Variants in MPDZ observed in about 807,000 individuals in gnomAD.
The protein encoded by MPDZ is multiple PDZ domain crumbs cell polarity complex component.
Under a neutral mutation model 239.1 loss-of-function variants are expected in MPDZ, and 234 were observed. The observed-to-expected ratio is 0.98, with a 90% CI of 0.88 to 1.09. The LOEUF is 1.09. Among genes scored for constraint, MPDZ ranks in the 50% least tolerant of loss-of-function variants. The pLI, the probability that MPDZ is intolerant of heterozygous loss-of-function variation, is 0.00. For missense variants in MPDZ, 3,175 were observed against 2,510.0 expected (o/e 1.26, Z -5.66); for synonymous variants, 1,048 against 881.3 (o/e 1.19, Z -3.35).
At chr9:13,254,459 C>A (rs905308221) in intron 1 of MPDZ, among the ~76,000 whole-genome samples, 1 of 152,094 alleles carries the variant, frequency 6.6e-6, no homozygotes, top group African/African-American at 2.4e-5. Flanking sequence ...ATTAAGAATA[C>A]ACAGTATATT....
chr9:13,212,356 A>G (rs924106275), intron 10 of MPDZ, among the ~76,000 whole-genome samples: 1 of 152,086 alleles, frequency 6.6e-6, no homozygotes, highest in Non-Finnish European at 1.5e-5. Flanking sequence ...TTATGGAAAT[A>G]AGATCTATTT....
chr9:13,226,377 T>C (rs1201898943), intron 3 of MPDZ, among the ~76,000 whole-genome samples: 1 of 152,132 alleles, frequency 6.6e-6, no homozygotes, highest in Non-Finnish European at 1.5e-5. Context: ...ACTTTTTATC[T>C]GTAACTACTT....
chr9:13,262,077 G>A (rs1225279992), intron 1 of MPDZ, among the ~76,000 whole-genome samples: 3 of 151,246 alleles, frequency 2.0e-5, no homozygotes, highest in Non-Finnish European at 4.4e-5. Context: ...AAAAAAAAAA[G>A]GAATGTGAGC....
chr9:13,234,356 T>C (rs1178605502), intron 3 of MPDZ, among the ~76,000 whole-genome samples: 1 of 152,060 alleles, frequency 6.6e-6, no homozygotes. Context: ...AGTTGTTAAG[T>C]GAAAAGAAAG....
intron 22 of MPDZ, chr9:13,165,463 C>G (rs1373879460): frequency 2.6e-6 from 4 of 1,544,058 alleles, no homozygotes; most frequent in Non-Finnish European, 3.5e-6. Context: ...TAACAAATGT[C>G]AATGTCTTGT....
rs533889584 is a variant in MPDZ at position 13,115,741 on chromosome 9, C to G, written c.5380-407G>C. Among the ~76,000 whole-genome samples the G allele has an allele frequency of 3.1e-4, 47 of 152,072 alleles. 1 individual carries two copies. Among genetic ancestry groups the G allele is most frequent in the South Asian group, 1.9e-3 (9 of 4,816 alleles). On this transcript the variant is annotated intron_variant, in intron 39 of 46. Transcript: ENST00000319217. ...CGGGTGGATCACGAGGTCAGGAGAT[C>G]AAGACCATCCTGGCTAACATGGTGA...
chr9:13,165,330 C>T, intron 22 of MPDZ: 1 of 1,544,138 alleles, frequency 6.5e-7, no homozygotes, highest in East Asian at 2.5e-5. Context: ...AGTTGTAACA[C>T]ACAGCCATAA....
At chr9:13,114,247 T>C (rs561394131) in intron 40 of MPDZ, among the ~76,000 whole-genome samples, 1 of 152,350 alleles carries the variant, frequency 6.6e-6, no homozygotes, top group South Asian at 2.1e-4. Context: ...ATGAAATTGA[T>C]TCCAATCTAC....
chr9:13,201,298 A>G (rs192089930), intron 12 of MPDZ, among the ~76,000 whole-genome samples: 1 of 152,128 alleles, frequency 6.6e-6, no homozygotes, highest in Non-Finnish European at 1.5e-5. Context: ...AAAGCAATAT[A>G]GCAATATTGG....
chr9:13,149,672 T>A (rs1242995932), intron 25 of MPDZ, among the ~76,000 whole-genome samples: 1 of 152,108 alleles, frequency 6.6e-6, no homozygotes, highest in African/African-American at 2.4e-5. Context: ...GCACCTGGAA[T>A]GCAACAGCTG....
chr9:13,119,649 T>C lies in MPDZ; in HGVS notation c.5232A>G (p.Arg1744=), dbSNP rs201778811. 1.7e-5 allele frequency: 27 copies of C among 1,613,990 alleles called. No homozygotes were observed. The East Asian group carries it at 5.6e-4, about 33-fold the overall frequency. ...CTGACACAAATACTCCAGTATCGTT[T>C]CTACACACAATTTTGAATTTCAACA... ...KGLGLSIVGK[R]NDTGVFVSDI... Residue 1744 remains arginine, a splice_region_variant and synonymous_variant, in exon 39 of 47, where the codon AGA becomes AGG. Coordinates refer to ENST00000319217, the MANE Select transcript of MPDZ (RefSeq NM_001378778.1).
intron 8 of MPDZ, among the ~76,000 whole-genome samples, chr9:13,219,080 T>G (rs1157540446): frequency 1.3e-5 from 2 of 151,876 alleles, no homozygotes; most frequent in African/African-American, 4.8e-5. Flanking sequence ...ACTAAAAGGT[T>G]TTAGTAAGCC....
At chr9:13,192,617 ACTTTGAC>A (rs1955090500) in intron 14 of MPDZ, among the ~76,000 whole-genome samples, 1 of 152,078 alleles carries the variant, frequency 6.6e-6, no homozygotes, top group Non-Finnish European at 1.5e-5. Context: ...ATAGTATAAA[ACTTTGAC>A]ATTTTGTATA....
At position 13,168,113 on chromosome 9, in the gene MPDZ, T is replaced by C. The variant is rs529874444; in HGVS notation, c.3254+253A>G. Among the ~76,000 whole-genome samples, 6 of 152,258 alleles carry C rather than the reference T, an allele frequency of 3.9e-5. No individual in the cohort carries two copies. In the South Asian group the frequency reaches 1.0e-3, roughly 26 times the overall value. On this transcript the variant is annotated intron_variant, in intron 22 of 46. Coordinates refer to ENST00000319217, the MANE Select transcript of MPDZ (RefSeq NM_001378778.1). ...ATTGCATCCCTCACTTCTATGGTTGTTGTAGAAATCACTGGAGAAGTATAA... is the reference window on the plus strand; with the variant it reads ...ATTGCATCCCTCACTTCTATGGTTGCTGTAGAAATCACTGGAGAAGTATAA...
chr9:13,139,866 A>T (rs1435498556), intron 28 of MPDZ, 121 bp downstream of exon 28: 2 of 1,120,622 alleles, frequency 1.8e-6, no homozygotes, highest in Non-Finnish European at 2.7e-6. Flanking sequence ...CTTTCCACAC[A>T]GAATTGCAGT....
intron 3 of MPDZ, among the ~76,000 whole-genome samples, chr9:13,230,378 T>C (rs906064386): frequency 6.6e-6 from 1 of 152,058 alleles, no homozygotes; most frequent in African/African-American, 2.4e-5. Flanking sequence ...TTATATATAA[T>C]AGTGAAAAAT....
intron 21 of MPDZ, among the ~76,000 whole-genome samples, chr9:13,174,428 A>C (rs1952195569): frequency 6.6e-6 from 1 of 152,208 alleles, no homozygotes; most frequent in Admixed American, 6.5e-5. Context: ...TCTCTGCCTT[A>C]TCAATTATTC....
intron 17 of MPDZ, among the ~76,000 whole-genome samples, chr9:13,187,296 A>C (rs1341471711): frequency 6.6e-6 from 1 of 152,094 alleles, no homozygotes; most frequent in Non-Finnish European, 1.5e-5. Flanking sequence ...GGAACTATAC[A>C]GAAAAAAAAA....
intron 35 of MPDZ, among the ~76,000 whole-genome samples, chr9:13,124,489 TTTTG>T (rs1370366888): frequency 1.3e-5 from 2 of 152,212 alleles, no homozygotes; most frequent in African/African-American, 2.4e-5. Context: ...CCTTATTTTT[TTTTG>T]TTTGTTTTGA....
Sources: gnomAD v4.1 joint callset for allele counts (sites outside exome capture counted in the v4.1 genomes callset) on GRCh38, gnomAD v4.1.1 for gene constraint, MANE v1.5 for transcripts, NCBI Gene and HGNC (gene_info 2026-07-23, HGNC 2026-07-21) for gene names.